The following SRPRA variants were observed in gnomAD, a reference collection of about 807,000 sequenced individuals.
SRPRA encodes the protein SRP receptor subunit alpha.
SRPRA carries 30 observed loss-of-function variants against 61.1 expected under a neutral mutation model. That is an observed-to-expected ratio of 0.49 (90% CI 0.37 to 0.67). The LOEUF (loss-of-function observed/expected upper bound fraction) is 0.67. SRPRA is among the 30% of genes least tolerant of loss of function. SRPRA has a pLI of 0.00. For synonymous variants in SRPRA, 324 were observed against 299.7 expected (o/e 1.08, Z -0.84); for missense variants, 759 against 828.4 (o/e 0.92, Z 1.03).
Position 126,264,725 on chromosome 11 carries a change from G to C in SRPRA, c.1526-186C>G. The C allele has an allele frequency of 1.3e-6, 1 of 793,054 alleles. No individual in the cohort carries two copies. The highest frequency in any genetic ancestry group is 1.9e-6 in the Non-Finnish European group (1 of 513,526). The allele number at this position is 793,054 out of a possible 1,614,324, so 49.1% of individuals were successfully genotyped here. ...TCACCAAACATATTCAGGAAAAGGAGGACAACAGGATGAAGGTGACCAAAT... is the reference window on the plus strand; with the variant it reads ...TCACCAAACATATTCAGGAAAAGGACGACAACAGGATGAAGGTGACCAAAT... On this transcript the variant is annotated intron_variant, in intron 11 of 13. Transcript: ENST00000332118. This position sits in a 1 kb window ranked among gnomAD's most constrained non-coding sequence, Gnocchi z 5.0.
Position 126,267,276 on chromosome 11 carries a change from G to A in SRPRA, c.425C>T (p.Ser142Phe). ...CCTCACAGGTTTCTTGGCCTTTTCA[G>A]AATCTTCAAATTTCTTCATGGTAGT... ...APTTMKKFED[S>F]EKAKKPVRSM... The change falls in exon 4 of 14, where the codon TCT (serine) becomes TTT (phenylalanine). Residue 142 changes from serine (S) to phenylalanine (F), a missense_variant. Ser to Phe is a radical substitution (Grantham distance 155). Around this residue, in one of 2 missense-constraint regions of SRPRA, gnomAD observed 475 missense variants for 462.5 expected, o/e 1.03. Transcript: ENST00000332118. This position sits in a 1 kb window ranked among gnomAD's most constrained non-coding sequence, Gnocchi z 4.2. 6.2e-7 allele frequency: 1 copy of A among 1,613,960 alleles called. No individual in the cohort carries two copies. The highest frequency in any genetic ancestry group is 2.2e-5 in the East Asian group (1 of 44,872).
chr11:126,266,102 A>T, intron 7 of SRPRA, 21 bp from the exon 8 acceptor site: 3 of 1,613,386 alleles, frequency 1.9e-6, no homozygotes, highest in Non-Finnish European at 2.5e-6. Context: ...AGGAGATTAC[A>T]CATACACATA....
At chr11:126,239,837 G>T in the SRPRA span, among the ~76,000 whole-genome samples, 1 of 152,200 alleles carries the variant, frequency 6.6e-6, no homozygotes. Flanking sequence ...TTTGTTGAAT[G>T]ACTGAATGCA....
Position 126,264,898 on chromosome 11 carries a change from A to C in SRPRA, c.1525+61T>G. ...ACAAGCCTGATCTTCTGCAAATTCC[A>C]AGAGAACCCAAGGAGAAAAAGGGAC... On this transcript the variant is annotated intron_variant, in intron 11 of 13. Coordinates refer to ENST00000332118, the MANE Select transcript of SRPRA (RefSeq NM_003139.4). The surrounding 1 kb of genome is among the most constrained non-coding windows in gnomAD (Gnocchi z 5.0). 1 of 1,496,200 alleles carries C rather than the reference A, an allele frequency of 6.7e-7. No homozygotes were observed. The highest frequency in any genetic ancestry group is 1.7e-4 in the Middle Eastern group (1 of 5,758). 92.7% of individuals were successfully genotyped at this position (1,496,200 alleles called of 1,614,324 possible).
chr11:126,241,234 T>G, the SRPRA span: 1 of 525,972 alleles, frequency 1.9e-6, no homozygotes, highest in Non-Finnish European at 3.3e-6. Flanking sequence ...GACAGTTGTC[T>G]TAACCCCATT....
In SRPRA at chr11:126,264,772, A is replaced by G. The variant is rs1481627585; in HGVS notation, c.1525+187T>C. On this transcript the variant is annotated intron_variant, in intron 11 of 13. Transcript: ENST00000332118. This position sits in a 1 kb window ranked among gnomAD's most constrained non-coding sequence, Gnocchi z 5.0. The stretch of plus-strand genomic sequence containing the variant: ...AAATTCAGGTTTCTCTGGTTAAGGT[A>G]TATTAGCTTTGCCTGCAACTACATC... 2 of 756,476 alleles carry G rather than the reference A, an allele frequency of 2.6e-6. No homozygotes were observed. The highest frequency in any genetic ancestry group is 2.9e-5 in the Admixed American group (1 of 34,280). 46.9% of individuals were successfully genotyped at this position (756,476 alleles called of 1,614,324 possible).
chr11:126,238,342 G>C, the SRPRA span, among the ~76,000 whole-genome samples: 1 of 151,940 alleles, frequency 6.6e-6, no homozygotes, highest in East Asian at 1.9e-4. Context: ...AAAAAAAAAA[G>C]CCAGTTGGAG....
chr11:126,247,276 G>A, the SRPRA span, among the ~76,000 whole-genome samples: 3 of 152,092 alleles, frequency 2.0e-5, no homozygotes, highest in Non-Finnish European at 2.9e-5. Flanking sequence ...TGGTGACAGA[G>A]CCAGACTTTC....
At chr11:126,250,944 A>C in the SRPRA span, among the ~76,000 whole-genome samples, 2 of 152,214 alleles carry the variant, frequency 1.3e-5, no homozygotes, top group Non-Finnish European at 2.9e-5. The surrounding 1 kb of genome is among the most constrained non-coding windows in gnomAD (Gnocchi z 5.1). Flanking sequence ...GTTCAGTTCT[A>C]TGACTCTTGA....
chr11:126,254,439 TGGGG>T, the SRPRA span: 1 of 1,613,942 alleles, frequency 6.2e-7, no homozygotes, highest in Non-Finnish European at 8.5e-7. Flanking sequence ...TCATGGTGAG[TGGGG>T]CTGATCTTGC....
In SRPRA at chr11:126,266,462, C is replaced by T. The variant is rs773501244; in HGVS notation, c.840+14G>A. On this transcript the variant is annotated intron_variant, in intron 6 of 13. Transcript: ENST00000332118. ...TTGTTGTTAAAGATCACTTTGACCC[C>T]TGTTACCTCTTACCAGGTTGATGTC... 6.2e-7 allele frequency: 1 copy of T among 1,611,714 alleles called. No individual in the cohort carries two copies. Among genetic ancestry groups the T allele is most frequent in the Non-Finnish European group, 8.5e-7 (1 of 1,178,622 alleles).
chr11:126,248,434 G>A, the SRPRA span, among the ~76,000 whole-genome samples: 17 of 130,114 alleles, frequency 1.3e-4, no homozygotes, highest in Non-Finnish European at 2.2e-4. Context: ...GCAATGGTGC[G>A]ATCTTGGCTC....
At chr11:126,241,619 G>A in the SRPRA span, among the ~76,000 whole-genome samples, 3 of 151,674 alleles carry the variant, frequency 2.0e-5, no homozygotes, top group Non-Finnish European at 4.4e-5. Context: ...GTTCGATCTC[G>A]CCTCATGGCA....
Position 126,265,267 on chromosome 11 carries a change from C to T in SRPRA, c.1311+1G>A. ...GCGATAGGCTGGGGAACTGCACTGA[C>T]CTTGGCAAGATTAGTAGATTTCCCC... On this transcript the variant is annotated splice_donor_variant, in intron 10 of 13. Transcript: ENST00000332118. LOFTEE classifies it high-confidence loss of function. The surrounding 1 kb of genome is among the most constrained non-coding windows in gnomAD (Gnocchi z 6.3). 1.9e-6 allele frequency: 3 copies of T among 1,614,058 alleles called. No individual in the cohort carries two copies. Among genetic ancestry groups the T allele is most frequent in the Non-Finnish European group, 2.5e-6 (3 of 1,179,928 alleles).
At chr11:126,268,278 G>A (rs1211764592) in intron 1 of SRPRA, among the ~76,000 whole-genome samples, 192 bp from the exon 2 acceptor site, 1 of 152,218 alleles carries the variant, frequency 6.6e-6, no homozygotes, top group Non-Finnish European at 1.5e-5. Flanking sequence ...GGGGGAAAAA[G>A]ATGAGAGAGA....
the SRPRA span, among the ~76,000 whole-genome samples, chr11:126,252,771 A>C: frequency 2.0e-5 from 3 of 152,258 alleles, no homozygotes; most frequent in Non-Finnish European, 4.4e-5. This position sits in a 1 kb window ranked among gnomAD's most constrained non-coding sequence, Gnocchi z 4.7. Flanking sequence ...ACAGTGGTTC[A>C]CGTCTGTAAT....
At chr11:126,252,537 G>GTT in the SRPRA span, among the ~76,000 whole-genome samples, 1 of 152,120 alleles carries the variant, frequency 6.6e-6, no homozygotes, top group African/African-American at 2.4e-5. The surrounding 1 kb of genome is among the most constrained non-coding windows in gnomAD (Gnocchi z 4.7). Flanking sequence ...CTTGAGCCTA[G>GTT]TTCAAGACCA....
rs1262643004 is a variant in SRPRA at position 126,262,970 on chromosome 11, T to C, written c.*946A>G. 6.5e-6 allele frequency: 1 copy of C among 152,680 alleles called. No individual in the cohort carries two copies. Among genetic ancestry groups the C allele is most frequent in the Non-Finnish European group, 1.5e-5 (1 of 68,054 alleles). 9.5% of individuals were successfully genotyped at this position (152,680 alleles called of 1,614,324 possible). A position where few individuals can be genotyped will look rare whatever the true frequency, so the allele number is the denominator to read the frequency against. ...ATGAAATTTATTTTCTTATATAAAT[T>C]ACTTATTTCTCTGGGCAGACAGCCT... On this transcript the variant is annotated 3_prime_UTR_variant, in exon 14 of 14. Transcript: ENST00000332118.
At chr11:126,247,890 T>C in the SRPRA span, among the ~76,000 whole-genome samples, 1 of 145,242 alleles carries the variant, frequency 6.9e-6, no homozygotes, top group African/African-American at 2.5e-5. Flanking sequence ...TCTATATATA[T>C]ATATAGATAT....
Sources: allele counts gnomAD v4.1 joint callset (sites outside exome capture counted in the v4.1 genomes callset), GRCh38; gene constraint gnomAD v4.1.1; regional missense constraint gnomAD v4.1.1; non-coding constraint Gnocchi (gnomAD v3.1); transcripts MANE v1.5; gene names NCBI Gene and HGNC (gene_info 2026-07-23, HGNC 2026-07-21).